Variants in LRMDA observed in about 807,000 individuals in gnomAD.
LRMDA encodes the protein leucine-rich melanocyte differentiation-associated protein.
LRMDA carries 18 observed loss-of-function variants against 29.8 expected under a neutral mutation model. The ratio of observed to expected loss-of-function variants is 0.60; its 90% confidence interval spans 0.42 to 0.90. The LOEUF is 0.90. LRMDA is among the 40% of genes least tolerant of loss of function. LRMDA has a pLI of 0.00. For missense variants in LRMDA, 273 were observed against 273.9 expected, an observed-to-expected ratio of 1.00 and a Z score of 0.02; for synonymous variants, 125 against 109.4, an observed-to-expected ratio of 1.14 and a Z score of -0.89.
chr10:75,808,412 TC>T (rs1843896132), intron 2 of LRMDA, among the ~76,000 whole-genome samples: 1 of 152,204 alleles, frequency 6.6e-6, no homozygotes, highest in South Asian at 2.1e-4. Flanking sequence ...AACATATGGT[TC>T]CAGAAAAAGG....
At chr10:75,611,492 A>T (rs74147137) in intron 2 of LRMDA, among the ~76,000 whole-genome samples, 14,656 of 152,154 alleles carry the variant, frequency 0.096, 2,242 homozygotes, top group African/African-American at 0.32. Flanking sequence ...CCAAAACTCC[A>T]TACCCATTAA....
At chr10:76,289,915 T>G (rs1194772211) in intron 5 of LRMDA, among the ~76,000 whole-genome samples, 1 of 152,174 alleles carries the variant, frequency 6.6e-6, no homozygotes, top group Non-Finnish European at 1.5e-5. Flanking sequence ...CAGAGGAAGT[T>G]TCACTGTTGA....
At chr10:76,287,461 T>C (rs536447322) in intron 5 of LRMDA, among the ~76,000 whole-genome samples, 5 of 152,274 alleles carry the variant, frequency 3.3e-5, no homozygotes, top group Admixed American at 3.3e-4. Flanking sequence ...TATTGGTTTA[T>C]TTTTCTTAAT....
chr10:75,750,219 C>A lies in LRMDA; in HGVS notation c.132-285789C>A, dbSNP rs530476001. On this transcript the variant is annotated intron_variant, in intron 2 of 6. Transcript: ENST00000611255. ...GATGGGGTGGTCGGGCAGAGGCGCC[C>A]CCCACCTCCCGGACAGGGCGGCTGC... 3.9e-4 allele frequency among the ~76,000 whole-genome samples: 59 copies of A among 151,226 alleles called. 1 individual carries two copies. In the East Asian group the frequency reaches 0.011, roughly 28 times the overall value.
At chr10:75,591,256 A>G (rs1467503223) in intron 2 of LRMDA, among the ~76,000 whole-genome samples, 1 of 152,194 alleles carries the variant, frequency 6.6e-6, no homozygotes, top group East Asian at 1.9e-4. Flanking sequence ...TCTGATGCAA[A>G]TATGGCTCAA....
Position 76,376,865 on chromosome 10 carries a change from CTTTTTTTTTT to C in LRMDA, c.601+52409_601+52418del, listed in dbSNP as rs71024600. Among the ~76,000 whole-genome samples the C allele has an allele frequency of 2.7e-3, 129 of 47,380 alleles. 34 individuals carry two copies. The highest frequency in any genetic ancestry group is 0.01 in the African/African-American group (120 of 11,436). The allele number at this position is 47,380 out of a possible 152,430, so 31.1% of individuals were successfully genotyped here. ...AAATGTTTGTTGGGCACTTGGAAGT[CTTTTTTTTTT>C]TTTTTTTTTTTTTTTTTTTTTTTTT... On this transcript the variant is annotated intron_variant, in intron 6 of 6. Transcript: ENST00000611255.
chr10:76,331,550 A>G (rs1475638082), intron 6 of LRMDA, among the ~76,000 whole-genome samples: 3 of 152,216 alleles, frequency 2.0e-5, no homozygotes. Context: ...AAGGAAAGAG[A>G]GAGAAAAGAA....
chr10:75,742,269 G>T (rs1464124955), intron 2 of LRMDA, among the ~76,000 whole-genome samples: 3 of 152,222 alleles, frequency 2.0e-5, no homozygotes, highest in African/African-American at 7.2e-5. Flanking sequence ...TAAATTAAGT[G>T]GGAATTGAGT....
In LRMDA at chr10:75,592,200, C is replaced by T. The variant is rs75395240; in HGVS notation, c.131+153706C>T. ...AGCAGGGAGGAGGAGTGGTGAGAGC[C>T]GGGGCCTGACCAGCCCTGGCAGGAA... is the stretch of plus-strand genomic sequence containing the variant. On this transcript the variant is annotated intron_variant, in intron 2 of 6. Coordinates refer to ENST00000611255, the MANE Select transcript of LRMDA (RefSeq NM_001305581.2). Among the ~76,000 whole-genome samples the T allele has an allele frequency of 7.8e-3, 1,186 of 152,238 alleles. 16 individuals are homozygous for T. Among genetic ancestry groups the T allele is most frequent in the African/African-American group, 0.028 (1,149 of 41,536 alleles).
chr10:75,820,451 A>G (rs1844138242), intron 2 of LRMDA, among the ~76,000 whole-genome samples: 1 of 152,252 alleles, frequency 6.6e-6, no homozygotes, highest in Non-Finnish European at 1.5e-5. Flanking sequence ...CAATTTTCTG[A>G]AACACATGAA....
Position 75,431,668 on chromosome 10 carries a change from G to T in LRMDA, c.-57G>T. 1 of 1,249,490 alleles carries T rather than the reference G, an allele frequency of 8.0e-7. No homozygotes were observed. The highest frequency in any genetic ancestry group is 1.0e-6 in the Non-Finnish European group (1 of 1,002,332). The allele number at this position is 1,249,490 out of a possible 1,614,324, so 77.4% of individuals were successfully genotyped here. On this transcript the variant is annotated 5_prime_UTR_variant, in exon 1 of 7. Transcript: ENST00000611255. Reference sequence around the variant, plus strand: ...GCCGCGCTCCCCTGCCGCGCTCCCCGCTGCTGCCGCCGCGCCCCCGCGCTC... The same window carrying T: ...GCCGCGCTCCCCTGCCGCGCTCCCCTCTGCTGCCGCCGCGCCCCCGCGCTC...
chr10:76,297,422 C>T (rs550246200), intron 5 of LRMDA, among the ~76,000 whole-genome samples: 4 of 152,274 alleles, frequency 2.6e-5, no homozygotes, highest in African/African-American at 9.6e-5. Flanking sequence ...CAAATACTGA[C>T]TGCCCTGTGG....
chr10:76,300,902 A>G (rs1387708807), intron 5 of LRMDA, among the ~76,000 whole-genome samples: 1 of 152,168 alleles, frequency 6.6e-6, no homozygotes. Context: ...TGTTTTTGGG[A>G]GTTAAACAGG....
At chr10:76,506,411 C>T (rs1322076439) in intron 6 of LRMDA, among the ~76,000 whole-genome samples, 1 of 152,130 alleles carries the variant, frequency 6.6e-6, no homozygotes, top group Non-Finnish European at 1.5e-5. Context: ...TAGCTGAACA[C>T]TTCACCAGGT....
chr10:75,981,015 C>T (rs1034147472), intron 2 of LRMDA, among the ~76,000 whole-genome samples: 2 of 152,336 alleles, frequency 1.3e-5, no homozygotes, highest in South Asian at 2.1e-4. Flanking sequence ...TATGTCAAAT[C>T]ACAAACATCA....
intron 2 of LRMDA, among the ~76,000 whole-genome samples, chr10:75,740,209 A>G (rs988996807): frequency 2.0e-5 from 3 of 152,208 alleles, no homozygotes; most frequent in African/African-American, 7.2e-5. Flanking sequence ...ATCGACATCA[A>G]TTTCCCCTGT....
Position 76,438,245 on chromosome 10 carries a change from C to G in LRMDA, c.601+113760C>G, listed in dbSNP as rs1394839248. 3.9e-5 allele frequency among the ~76,000 whole-genome samples: 6 copies of G among 152,138 alleles called. No homozygotes were observed. The East Asian group carries it at 1.2e-3, about 29-fold the overall frequency. On this transcript the variant is annotated intron_variant, in intron 6 of 6. Coordinates refer to ENST00000611255, the MANE Select transcript of LRMDA (RefSeq NM_001305581.2). Reference sequence around the variant, plus strand: ...TAGAGCTCCAGGAGGCTCACAGGACCCTCATCAGAGGCTCTCTGTGTGTTT... The same window carrying G: ...TAGAGCTCCAGGAGGCTCACAGGACGCTCATCAGAGGCTCTCTGTGTGTTT...
rs150595258 is a variant in LRMDA, at chr10:76,522,243, G to C, written c.602-34966G>C. 8.5e-5 allele frequency among the ~76,000 whole-genome samples: 13 copies of C among 152,182 alleles called. No individual in the cohort carries two copies. In the East Asian group the frequency reaches 2.5e-3, roughly 29 times the overall value. On this transcript the variant is annotated intron_variant, in intron 6 of 6. Transcript: ENST00000611255. ...AGCTATTTAACCACCACCATTTTCA[G>C]AGATTGCTCATAGGAAGACCAAAGA... is the stretch of plus-strand genomic sequence containing the variant.
intron 5 of LRMDA, among the ~76,000 whole-genome samples, chr10:76,213,376 A>G (rs534020741): frequency 6.6e-6 from 1 of 152,346 alleles, no homozygotes; most frequent in East Asian, 1.9e-4. Flanking sequence ...AAATTAGAAC[A>G]TGTATCATTT....
Sources: gnomAD v4.1 joint callset for allele counts (sites outside exome capture counted in the v4.1 genomes callset) on GRCh38, gnomAD v4.1.1 for gene constraint, MANE v1.5 for transcripts, NCBI Gene and HGNC (gene_info 2026-07-23, HGNC 2026-07-21) for gene names.